Variants in ATG14 observed in about 807,000 individuals in gnomAD.
The protein encoded by ATG14 is autophagy related 14.
Under a neutral mutation model 60.4 loss-of-function variants are expected in ATG14, and 35 were observed. The observed-to-expected ratio is 0.58, with a 90% CI of 0.44 to 0.77. ATG14 has a LOEUF of 0.77. ATG14 is among the 30% of genes least tolerant of loss of function. The pLI, the probability that ATG14 is intolerant of heterozygous loss-of-function variation, is 0.00. For synonymous variants in ATG14, 234 were observed against 228.8 expected (o/e 1.02, Z -0.21); for missense variants, 647 against 626.3 (o/e 1.03, Z -0.35).
At chr14:55,398,827 G>A (rs979601503) in intron 1 of ATG14, among the ~76,000 whole-genome samples, 1 of 151,878 alleles carries the variant, frequency 6.6e-6, no homozygotes, top group African/African-American at 2.4e-5. Context: ...CCTAAGATGT[G>A]GCTTGCTGCT....
In ATG14 at chr14:55,367,141, C is replaced by T. The variant is rs1285209701; in HGVS notation, c.*2478G>A. On this transcript the variant is annotated 3_prime_UTR_variant, in exon 10 of 10. Transcript: ENST00000247178. ...GAGTTTGTGATCTCTGGATTCTATT[C>T]TTTAGCTTCATCTCTCATTCATGGT... 1 of 152,370 alleles carries T rather than the reference C, an allele frequency of 6.6e-6. No individual in the cohort carries two copies. The highest frequency in any genetic ancestry group is 1.5e-5 in the Non-Finnish European group (1 of 68,036). The allele number at this position is 152,370 out of a possible 1,614,324, so 9.4% of individuals were successfully genotyped here.
At chr14:55,393,114 G>T (rs1368380040) in intron 3 of ATG14, among the ~76,000 whole-genome samples, 1 of 152,184 alleles carries the variant, frequency 6.6e-6, no homozygotes, top group East Asian at 1.9e-4. Context: ...GGGCGCGGTG[G>T]CTCACGCCTG....
Position 55,397,553 on chromosome 14 carries a change from T to C in ATG14, c.222-119A>G, listed in dbSNP as rs1284486648. 4 of 792,678 alleles carry C rather than the reference T, an allele frequency of 5.0e-6. No individual in the cohort carries two copies. In the East Asian group the frequency reaches 1.1e-4, roughly 21 times the overall value. 49.1% of individuals were successfully genotyped at this position (792,678 alleles called of 1,614,324 possible). Reference sequence around the variant, plus strand: ...TCATGTGAAAATGTCATTGTCCTGATAGTAAATACACGTCTTCTCAACGGG... The same window carrying C: ...TCATGTGAAAATGTCATTGTCCTGACAGTAAATACACGTCTTCTCAACGGG... On this transcript the variant is annotated intron_variant, in intron 1 of 9. Transcript: ENST00000247178.
intron 4 of ATG14, among the ~76,000 whole-genome samples, chr14:55,390,657 T>C (rs549445847): frequency 2.0e-5 from 3 of 152,304 alleles, no homozygotes; most frequent in African/African-American, 7.2e-5. Flanking sequence ...AGGCGTGAGC[T>C]ACCACGCCTG....
intron 6 of ATG14, 104 bp from the exon 7 acceptor site, chr14:55,380,794 C>T (rs532649517): frequency 1.1e-4 from 61 of 579,618 alleles, no homozygotes; most frequent in Non-Finnish European, 1.6e-4. Flanking sequence ...AGCACTGTTA[C>T]GTTTTAGTGC....
In ATG14 at chr14:55,369,876, C is replaced by A. The variant is rs866680281; in HGVS notation, c.1222G>T (p.Val408Leu). Reference sequence around the variant, plus strand: ...GATTCTCCAGCAACTCCGGGATCCACAAATTCCATGGACTCCTCAAGGTCT... The same window carrying A: ...GATTCTCCAGCAACTCCGGGATCCAAAAATTCCATGGACTCCTCAAGGTCT... ...RADLEESMEF[V>L]DPGVAGESDE... The change falls in exon 10 of 10, where the codon GTG becomes TTG. Residue 408 changes from valine (V) to leucine (L), a missense_variant. By Grantham distance (32) the Val-to-Leu change is conservative. Transcript: ENST00000247178. 8 of 1,614,088 alleles carry A rather than the reference C, an allele frequency of 5.0e-6. No individual in the cohort carries two copies. The Middle Eastern group carries it at 1.3e-3, about 266-fold the overall frequency.
chr14:55,382,366 G>T (rs1234130676), intron 5 of ATG14, among the ~76,000 whole-genome samples, 175 bp from the exon 6 acceptor site: 2 of 152,042 alleles, frequency 1.3e-5, no homozygotes, highest in Non-Finnish European at 2.9e-5. Flanking sequence ...AACATGGAGC[G>T]CAGTGACAGA....
chr14:55,409,893 G>A (rs1388146314), intron 1 of ATG14, among the ~76,000 whole-genome samples: 1 of 152,228 alleles, frequency 6.6e-6, no homozygotes, highest in Non-Finnish European at 1.5e-5. Context: ...GACGGAAGCA[G>A]AGACATAAGA....
chr14:55,385,691 C>A (rs1885113278), intron 5 of ATG14, among the ~76,000 whole-genome samples, 168 bp downstream of exon 5: 1 of 152,252 alleles, frequency 6.6e-6, no homozygotes, highest in Non-Finnish European at 1.5e-5. Context: ...CGCTGCCTCC[C>A]CAGCTTTCTG....
intron 1 of ATG14, among the ~76,000 whole-genome samples, chr14:55,399,424 C>T (rs1183648886): frequency 6.6e-6 from 1 of 152,158 alleles, no homozygotes; most frequent in Admixed American, 6.5e-5. Flanking sequence ...AGTAAGGTGG[C>T]AACAGCATGA....
chr14:55,371,773 T>C (rs534440115), intron 9 of ATG14, among the ~76,000 whole-genome samples: 10 of 151,348 alleles, frequency 6.6e-5, no homozygotes, highest in South Asian at 2.1e-4. Context: ...CAGTGCACTC[T>C]AGCCTGGGCG....
intron 3 of ATG14, among the ~76,000 whole-genome samples, chr14:55,392,282 G>A (rs1374077702): frequency 2.0e-5 from 3 of 152,146 alleles, no homozygotes; most frequent in Non-Finnish European, 4.4e-5. Flanking sequence ...TTCCTAACAG[G>A]CCACAGCCCA....
intron 5 of ATG14, among the ~76,000 whole-genome samples, chr14:55,383,861 G>T (rs1885078606): frequency 6.6e-6 from 1 of 152,210 alleles, no homozygotes. Flanking sequence ...GGTCAGTGTG[G>T]CTGGTGTGTG....
intron 9 of ATG14, among the ~76,000 whole-genome samples, chr14:55,375,820 G>C (rs920414903): frequency 6.6e-6 from 1 of 152,132 alleles, no homozygotes; most frequent in Non-Finnish European, 1.5e-5. Flanking sequence ...ACTGATAGTA[G>C]GCATCCTTGA....
At chr14:55,401,967 T>C (rs1309102858) in intron 1 of ATG14, among the ~76,000 whole-genome samples, 1 of 152,154 alleles carries the variant, frequency 6.6e-6, no homozygotes, top group Admixed American at 6.5e-5. Context: ...ACTAATGAGG[T>C]AGTGGTTATG....
Position 55,369,891 on chromosome 14 carries a change from C to A in ATG14, c.1207G>T (p.Glu403Ter). The A allele has an allele frequency of 6.2e-7, 1 of 1,613,558 alleles. No individual in the cohort carries two copies. The highest frequency in any genetic ancestry group is 8.5e-7 in the Non-Finnish European group (1 of 1,179,610). ...CCGGGATCCACAAATTCCATGGACT[C>A]CTCAAGGTCTGCTCGTACTTCAAAG... ...GPFEVRADLE[E>*]SMEFVDPGVA... The change falls in exon 10 of 10, where the codon GAG becomes TAG. Residue 403 changes from glutamate (E) to a stop codon, truncating the protein, a stop_gained. Transcript: ENST00000247178. LOFTEE classifies it high-confidence loss of function.
rs1183623026 is a variant in ATG14 at position 55,381,976 on chromosome 14, G to A, written c.863C>T (p.Thr288Ile). ...AYYSWVEEKKTTQGPDMEQSN... is the reference protein window; with the variant it reads ...AYYSWVEEKKITQGPDMEQSN... ...CTGCTTCTCACCAGGCCCCTGGGTT[G>A]TTTTCTTCTCCTCCACCCAGCTGTA... Residue 288 changes from threonine to isoleucine, a missense_variant, in exon 6 of 10, where the codon ACA becomes ATA. Coordinates refer to ENST00000247178, the MANE Select transcript of ATG14 (RefSeq NM_014924.5). 1 of 1,613,902 alleles carries A rather than the reference G, an allele frequency of 6.2e-7. No individual in the cohort carries two copies. The highest frequency in any genetic ancestry group is 1.7e-5 in the Admixed American group (1 of 60,008).
intron 6 of ATG14, among the ~76,000 whole-genome samples, chr14:55,381,286 A>G (rs1175788834): frequency 6.6e-6 from 1 of 152,238 alleles, no homozygotes; most frequent in East Asian, 1.9e-4. Flanking sequence ...ATGAACAAAG[A>G]ATCTTTCTCC....
chr14:55,382,487 C>A (rs1258170122), intron 5 of ATG14, among the ~76,000 whole-genome samples: 1 of 151,932 alleles, frequency 6.6e-6, no homozygotes, highest in Non-Finnish European at 1.5e-5. Context: ...ACCTGGTTAA[C>A]TTAAAAAATT....
Sources: allele counts gnomAD v4.1 joint callset (sites outside exome capture counted in the v4.1 genomes callset), GRCh38; gene constraint gnomAD v4.1.1; transcripts MANE v1.5; gene names NCBI Gene and HGNC (gene_info 2026-07-23, HGNC 2026-07-21).